The following PLAG1 variants were observed in gnomAD, a reference collection of about 807,000 sequenced individuals.
The protein encoded by PLAG1 is zinc finger protein PLAG1.
In PLAG1, 7 loss-of-function variants were observed where a neutral mutation model predicts 35.5. That is an observed-to-expected ratio of 0.20 (90% CI 0.11 to 0.37). The LOEUF (loss-of-function observed/expected upper bound fraction) is 0.37, where lower values mean the gene tolerates loss of function less well. Among genes scored for constraint, PLAG1 ranks in the 10% least tolerant of loss-of-function variants. The pLI, the probability that PLAG1 is intolerant of heterozygous loss-of-function variation, is 1.00. For synonymous variants in PLAG1, 229 were observed against 225.4 expected, an observed-to-expected ratio of 1.02 and a Z score of -0.14; for missense variants, 454 against 602.8, an observed-to-expected ratio of 0.75 and a Z score of 2.58.
chr8:56,170,049 T>C (rs770595724), intron 3 of PLAG1, among the ~76,000 whole-genome samples: 6 of 152,222 alleles, frequency 3.9e-5, no homozygotes, highest in Non-Finnish European at 8.8e-5. Context: ...TAAAATTAAC[T>C]CTATGTTACA....
chr8:56,174,993 C>T (rs1327727796), intron 2 of PLAG1, among the ~76,000 whole-genome samples: 1 of 152,090 alleles, frequency 6.6e-6, no homozygotes, highest in Non-Finnish European at 1.5e-5. Flanking sequence ...CAGGGAAGTC[C>T]TGAAACTAAT....
At chr8:56,173,286 C>CT (rs1470484291) in intron 2 of PLAG1, among the ~76,000 whole-genome samples, 5 of 151,992 alleles carry the variant, frequency 3.3e-5, no homozygotes, top group African/African-American at 1.2e-4. Context: ...AAAACATAAT[C>CT]TTGAATTTCT....
rs1811755190 is a variant in PLAG1, at chr8:56,177,943, AG to A, written c.-217+1465del. On this transcript the variant is annotated intron_variant, in intron 2 of 4. Coordinates refer to ENST00000316981, the MANE Select transcript of PLAG1 (RefSeq NM_002655.3). ...CCTGCTTCGGCAGACCTCAAAAGCCAGGGAGTCTCAGGCACGTGCTACCCAG... is the reference window on the plus strand; with the variant it reads ...CCTGCTTCGGCAGACCTCAAAAGCCAGGAGTCTCAGGCACGTGCTACCCAG... The A allele has an allele frequency of 5.5e-6, 3 of 546,976 alleles. No individual in the cohort carries two copies. In the African/African-American group the frequency reaches 6.1e-5, roughly 11 times the overall value. The allele number at this position is 546,976 out of a possible 1,614,324, so 33.9% of individuals were successfully genotyped here. A position where few individuals can be genotyped will look rare whatever the true frequency, so the allele number is the denominator to read the frequency against.
chr8:56,175,494 G>T (rs569383045), intron 2 of PLAG1, among the ~76,000 whole-genome samples: 1 of 152,266 alleles, frequency 6.6e-6, no homozygotes, highest in South Asian at 2.1e-4. Flanking sequence ...TTTATAACTG[G>T]ATTGTGGAAA....
chr8:56,168,387 C>A lies in PLAG1; in HGVS notation c.-117-1G>T. ...GGTCGTAAAAGAAAGCAAAAAGGGA[C>A]TGGAAAAAAAAATAAGAAACAACTA... On this transcript the variant is annotated splice_acceptor_variant, in intron 3 of 4. Transcript: ENST00000316981. LOFTEE classifies it low-confidence loss of function (5UTR_SPLICE). 2.3e-6 allele frequency: 3 copies of A among 1,317,844 alleles called. No homozygotes were observed. The highest frequency in any genetic ancestry group is 3.0e-6 in the Non-Finnish European group (3 of 1,016,230). The allele number at this position is 1,317,844 out of a possible 1,614,324, so 81.6% of individuals were successfully genotyped here. A position where few individuals can be genotyped will look rare whatever the true frequency, so the allele number is the denominator to read the frequency against.
intron 2 of PLAG1, among the ~76,000 whole-genome samples, chr8:56,173,649 T>C (rs1811599699): frequency 6.6e-6 from 1 of 152,052 alleles, no homozygotes; most frequent in South Asian, 2.1e-4. Flanking sequence ...AAATTCTCCT[T>C]TGCCTTGGTC....
At chr8:56,193,695 C>CTTTTT (rs760038291) in intron 1 of PLAG1, among the ~76,000 whole-genome samples, 10 of 130,802 alleles carry the variant, frequency 7.6e-5, no homozygotes, top group Non-Finnish European at 1.4e-4. Context: ...ATTAGGTAAA[C>CTTTTT]TTTTTTTTTT....
chr8:56,164,503 C>G lies in PLAG1; in HGVS notation c.*1740G>C, dbSNP rs1035855218. On this transcript the variant is annotated 3_prime_UTR_variant, in exon 5 of 5. Transcript: ENST00000316981. ...CAATCTGCAGTGATAACTGGCCCTA[C>G]AAAAAGGAAAGAAGTTTCCATATAG... 4 of 223,518 alleles carry G rather than the reference C, an allele frequency of 1.8e-5. No individual in the cohort carries two copies. Among genetic ancestry groups the G allele is most frequent in the African/African-American group, 8.9e-5 (4 of 44,724 alleles). 13.8% of individuals were successfully genotyped at this position (223,518 alleles called of 1,614,324 possible).
chr8:56,179,415 C>A lies in PLAG1; in HGVS notation c.-223G>T, dbSNP rs1019546828. 8 of 825,514 alleles carry A rather than the reference C, an allele frequency of 9.7e-6. No individual in the cohort carries two copies. The highest frequency in any genetic ancestry group is 1.2e-5 in the Non-Finnish European group (8 of 683,560). The allele number at this position is 825,514 out of a possible 1,614,324, so 51.1% of individuals were successfully genotyped here. On this transcript the variant is annotated 5_prime_UTR_variant, in exon 2 of 5. Coordinates refer to ENST00000316981, the MANE Select transcript of PLAG1 (RefSeq NM_002655.3). ...AATGATAAAAGCCACCTACCTGAGGCCCTGCTCCAAACTCTAGCAAGGCAA... is the reference window on the plus strand; with the variant it reads ...AATGATAAAAGCCACCTACCTGAGGACCTGCTCCAAACTCTAGCAAGGCAA...
intron 3 of PLAG1, among the ~76,000 whole-genome samples, chr8:56,170,649 G>A (rs1464408457): frequency 2.0e-5 from 3 of 152,124 alleles, no homozygotes; most frequent in Non-Finnish European, 4.4e-5. Flanking sequence ...GGTCATATTT[G>A]CCATTGTGTT....
Position 56,167,498 on chromosome 8 carries a change from A to G in PLAG1, c.248T>C (p.Met83Thr), listed in dbSNP as rs760625462. ...GGTTTTCTCAGGAGAATGAGTAGCC[A>G]TGTGCCTTTAAACACAGATATAATC... is the stretch of plus-strand genomic sequence containing the variant. ...FVSKYKLQRHMATHSPEKTHK... is the reference protein window; with the variant it reads ...FVSKYKLQRHTATHSPEKTHK... Residue 83 changes from methionine (M) to threonine (T), a missense_variant, in exon 5 of 5, where the codon ATG (methionine) becomes ACG (threonine). Met to Thr is a moderately conservative substitution (Grantham distance 81). Coordinates refer to ENST00000316981, the MANE Select transcript of PLAG1 (RefSeq NM_002655.3). The surrounding 1 kb of genome is among the most constrained non-coding windows in gnomAD (Gnocchi z 5.9). 6.2e-7 allele frequency: 1 copy of G among 1,601,092 alleles called. No homozygotes were observed. The highest frequency in any genetic ancestry group is 8.5e-7 in the Non-Finnish European group (1 of 1,170,914).
rs199920673 is a variant in PLAG1, at chr8:56,166,648, G to A, written c.1098C>T (p.Gly366=). Residue 366 remains glycine (G), a synonymous_variant, in exon 5 of 5, where the codon GGC becomes GGT. Transcript: ENST00000316981. ...IESYLMELQG[G]VPSSSQDSQA... The stretch of plus-strand genomic sequence containing the variant: ...GAGAATCTTGGGATGAAGAGGGCAC[G>A]CCACCTTGTAACTCCATCAGGTAAC... 4 of 1,613,978 alleles carry A rather than the reference G, an allele frequency of 2.5e-6. No homozygotes were observed. The highest frequency in any genetic ancestry group is 2.2e-5 in the South Asian group (2 of 91,076).
At chr8:56,171,212 G>A (rs533802954) in intron 2 of PLAG1, 23 bp from the exon 3 acceptor site, 1 of 573,166 alleles carries the variant, frequency 1.7e-6, no homozygotes, top group Non-Finnish European at 2.2e-6. Context: ...AGTGAAAATG[G>A]ACTATCCTCT....
Position 56,164,175 on chromosome 8 carries a change from T to C in PLAG1, c.*2068A>G, listed in dbSNP as rs1811286346. On this transcript the variant is annotated 3_prime_UTR_variant, in exon 5 of 5. Coordinates refer to ENST00000316981, the MANE Select transcript of PLAG1 (RefSeq NM_002655.3). ...CTTTGGAACACACTTTTTTAATAAA[T>C]GTAATTTTTCATAATAAAATTTAAA... is the stretch of plus-strand genomic sequence containing the variant. 5.3e-6 allele frequency: 1 copy of C among 189,088 alleles called. No homozygotes were observed. Among genetic ancestry groups the C allele is most frequent in the Non-Finnish European group, 1.1e-5 (1 of 89,720 alleles). The allele number at this position is 189,088 out of a possible 1,614,324, so 11.7% of individuals were successfully genotyped here. A position where few individuals can be genotyped will look rare whatever the true frequency, so the allele number is the denominator to read the frequency against.
chr8:56,186,168 T>C (rs1023465714), intron 1 of PLAG1, among the ~76,000 whole-genome samples: 2 of 152,132 alleles, frequency 1.3e-5, no homozygotes. Flanking sequence ...CAGAAGGGGC[T>C]TAAACTTTAA....
At chr8:56,199,648 G>A (rs1812489458) in intron 1 of PLAG1, among the ~76,000 whole-genome samples, 1 of 152,136 alleles carries the variant, frequency 6.6e-6, no homozygotes, top group African/African-American at 2.4e-5. Context: ...GCTGGCTCCA[G>A]AAGCCCCGGT....
intron 1 of PLAG1, among the ~76,000 whole-genome samples, chr8:56,180,452 G>A (rs773523354): frequency 1.3e-5 from 2 of 152,156 alleles, no homozygotes; most frequent in Non-Finnish European, 2.9e-5. Context: ...TTTTGTCGTG[G>A]AGAAGCTCTT....
chr8:56,186,194 T>C (rs1388759708), intron 1 of PLAG1, among the ~76,000 whole-genome samples: 2 of 152,164 alleles, frequency 1.3e-5, no homozygotes, highest in African/African-American at 2.4e-5. Flanking sequence ...ATTTGTATAA[T>C]TGACAAATTA....
chr8:56,161,446 C>T lies in PLAG1; in HGVS notation c.*4797G>A, dbSNP rs1025811784. 2.7e-5 allele frequency: 6 copies of T among 222,422 alleles called. No individual in the cohort carries two copies. The Admixed American group carries it at 3.4e-4, about 13-fold the overall frequency. 13.8% of individuals were successfully genotyped at this position (222,422 alleles called of 1,614,324 possible). Reference sequence around the variant, plus strand: ...TGTTCAGGTATGATGCAATCCGTTTCCTAATGGATTCCCAGTTTTTGTTAA... The same window carrying T: ...TGTTCAGGTATGATGCAATCCGTTTTCTAATGGATTCCCAGTTTTTGTTAA... On this transcript the variant is annotated 3_prime_UTR_variant, in exon 5 of 5. Coordinates refer to ENST00000316981, the MANE Select transcript of PLAG1 (RefSeq NM_002655.3).
Sources: gnomAD v4.1 joint callset for allele counts (sites outside exome capture counted in the v4.1 genomes callset) on GRCh38, gnomAD v4.1.1 for gene constraint, Gnocchi (gnomAD v3.1) non-coding constraint, MANE v1.5 for transcripts, NCBI Gene and HGNC (gene_info 2026-07-23, HGNC 2026-07-21) for gene names.